The following EYS variants were observed in gnomAD, a reference collection of about 807,000 sequenced individuals.
The protein encoded by EYS is EGF-like photoreceptor maintenance factor.
A neutral mutation model predicts 282.1 loss-of-function variants in EYS; 250 were observed. The ratio of observed to expected loss-of-function variants is 0.89; its 90% CI spans 0.80 to 0.98. The LOEUF is 0.98. Among genes scored for constraint, EYS ranks in the 50% least tolerant of loss-of-function variants. EYS has a pLI of 0.00. For synonymous variants in EYS, 1,355 were observed against 1,282.9 expected, an observed-to-expected ratio of 1.06 and a Z score of -1.20; for missense variants, 4,016 against 3,709.0, an observed-to-expected ratio of 1.08 and a Z score of -2.15.
intron 28 of EYS, among the ~76,000 whole-genome samples, chr6:64,396,576 C>A (rs1033981945): frequency 6.6e-6 from 1 of 151,980 alleles, no homozygotes; most frequent in African/African-American, 2.4e-5. Flanking sequence ...ATCTACAATC[C>A]ACCTGAGATT....
chr6:64,549,441 C>A (rs73767337), intron 26 of EYS, among the ~76,000 whole-genome samples: 6,173 of 152,220 alleles, frequency 0.041, 266 homozygotes, highest in East Asian at 0.11. Flanking sequence ...TAATAAGCAG[C>A]CCTTCCAACC....
intron 31 of EYS, among the ~76,000 whole-genome samples, chr6:64,095,373 T>C (rs571581344): frequency 2.0e-3 from 307 of 152,222 alleles, no homozygotes; most frequent in African/African-American, 6.8e-3. Flanking sequence ...CTCCCATTAT[T>C]ATTGTGTGGT....
At chr6:65,226,213 T>C (rs1442891804) in intron 12 of EYS, among the ~76,000 whole-genome samples, 1 of 152,088 alleles carries the variant, frequency 6.6e-6, no homozygotes, top group Non-Finnish European at 1.5e-5. Flanking sequence ...TGTGTACGTA[T>C]ATACCAGCCA....
At chr6:64,736,429 T>A (rs1458359646) in intron 22 of EYS, among the ~76,000 whole-genome samples, 1 of 152,116 alleles carries the variant, frequency 6.6e-6, no homozygotes, top group Non-Finnish European at 1.5e-5. Flanking sequence ...ATAACTGAAA[T>A]GTTAATTTCT....
intron 22 of EYS, among the ~76,000 whole-genome samples, chr6:64,741,386 C>T (rs966926313): frequency 1.3e-5 from 2 of 152,050 alleles, no homozygotes; most frequent in Non-Finnish European, 2.9e-5. Context: ...ATTCACAGAG[C>T]ACAAGCAAAG....
intron 29 of EYS, among the ~76,000 whole-genome samples, chr6:64,310,407 GAACA>G (rs1769647520): frequency 6.6e-6 from 1 of 152,148 alleles, no homozygotes; most frequent in Non-Finnish European, 1.5e-5. Context: ...CCATGAAAAA[GAACA>G]AAAACATGTC....
At chr6:65,103,016 T>C (rs1774936698) in intron 12 of EYS, among the ~76,000 whole-genome samples, 1 of 151,408 alleles carries the variant, frequency 6.6e-6, no homozygotes, top group Non-Finnish European at 1.5e-5. Flanking sequence ...TGTTTTAACA[T>C]ATGGCAGTAG....
chr6:64,855,111 T>A (rs1217498843), intron 19 of EYS, among the ~76,000 whole-genome samples: 1 of 152,014 alleles, frequency 6.6e-6, no homozygotes, highest in East Asian at 1.9e-4. Context: ...TTGCATCAGT[T>A]TTACTATTTT....
intron 14 of EYS, among the ~76,000 whole-genome samples, chr6:64,978,265 C>T (rs893010867): frequency 3.3e-5 from 5 of 151,864 alleles, no homozygotes; most frequent in Middle Eastern, 3.2e-3. Flanking sequence ...TCCCCAAATA[C>T]TAAGGCCCTT....
chr6:65,368,673 A>G (rs1452142234), intron 8 of EYS, among the ~76,000 whole-genome samples: 1 of 151,772 alleles, frequency 6.6e-6, no homozygotes, highest in African/African-American at 2.4e-5. Context: ...TTATTAAAAT[A>G]TATCATAGAA....
At chr6:64,316,920 A>G (rs1035048033) in intron 29 of EYS, among the ~76,000 whole-genome samples, 6 of 152,110 alleles carry the variant, frequency 3.9e-5, no homozygotes, top group African/African-American at 1.4e-4. Context: ...CACATCTACA[A>G]CCATCTGATC....
rs1421174987 is a variant in EYS at position 64,372,370 on chromosome 6, A to G, written c.6078+16320T>C. Among the ~76,000 whole-genome samples the G allele has an allele frequency of 2.0e-5, 3 of 151,914 alleles. No homozygotes were observed. In the East Asian group the frequency reaches 5.8e-4, roughly 29 times the overall value. ...TAAGAATGCTGAATATATGCCCCCA[A>G]TCTCTTCTGATTTGTAGGGTTTCTG... is the stretch of plus-strand genomic sequence containing the variant. On this transcript the variant is annotated intron_variant, in intron 29 of 42. Transcript: ENST00000503581.
At position 64,134,710 on chromosome 6, in the gene EYS, C is replaced by A. The variant is rs80273064; in HGVS notation, c.6425-52708G>T. ...ATGAGAAAATGGGAACCCAGTGTCTCAATACAATTCAGAGTAAAGATCGAG... is the reference window on the plus strand; with the variant it reads ...ATGAGAAAATGGGAACCCAGTGTCTAAATACAATTCAGAGTAAAGATCGAG... On this transcript the variant is annotated intron_variant, in intron 31 of 42. Transcript: ENST00000503581. Among the ~76,000 whole-genome samples, 3 of 152,080 alleles carry A rather than the reference C, an allele frequency of 2.0e-5. No individual in the cohort carries two copies. In the East Asian group the frequency reaches 5.8e-4, roughly 29 times the overall value.
intron 22 of EYS, among the ~76,000 whole-genome samples, chr6:64,766,645 A>AC (rs1207665386): frequency 0.63 from 22,319 of 35,580 alleles, 6,828 homozygotes; most frequent in Non-Finnish European, 0.71. Context: ...AAAAAAAAAA[A>AC]AAAAATATAT....
chr6:65,326,803 T>C (rs1469000136), intron 11 of EYS, among the ~76,000 whole-genome samples: 4 of 151,710 alleles, frequency 2.6e-5, no homozygotes, highest in Non-Finnish European at 1.5e-5. Flanking sequence ...TCTTTTGGGT[T>C]ACTATTGTAA....
At chr6:64,397,711 A>G (rs1773422659) in intron 28 of EYS, among the ~76,000 whole-genome samples, 1 of 151,948 alleles carries the variant, frequency 6.6e-6, no homozygotes, top group African/African-American at 2.4e-5. Flanking sequence ...ATTTCAAAGA[A>G]CACACTTTTG....
At chr6:65,178,063 T>C (rs1256680179) in intron 12 of EYS, among the ~76,000 whole-genome samples, 2 of 151,850 alleles carry the variant, frequency 1.3e-5, no homozygotes, top group East Asian at 3.9e-4. Flanking sequence ...GGAGTGAATG[T>C]TCCAAGAAAT....
intron 36 of EYS, among the ~76,000 whole-genome samples, chr6:63,814,303 A>G (rs1771123628): frequency 6.6e-6 from 1 of 152,228 alleles, no homozygotes; most frequent in South Asian, 2.1e-4. Context: ...TGCACAGAAA[A>G]CATACAGTTA....
chr6:64,006,845 A>G (rs945788606), intron 33 of EYS, among the ~76,000 whole-genome samples: 1 of 152,088 alleles, frequency 6.6e-6, no homozygotes, highest in African/African-American at 2.4e-5. Context: ...GATAGAGCCT[A>G]CTTGGTCATG....
Sources: allele counts gnomAD v4.1 joint callset (sites outside exome capture counted in the v4.1 genomes callset), GRCh38; gene constraint gnomAD v4.1.1; transcripts MANE v1.5; gene names NCBI Gene and HGNC (gene_info 2026-07-23, HGNC 2026-07-21).